The following MSRA variants were observed in gnomAD, a reference collection of about 807,000 sequenced individuals.
The protein encoded by MSRA is mitochondrial peptide methionine sulfoxide reductase.
In MSRA, 54 loss-of-function variants were observed where a neutral mutation model predicts 31.3. The observed-to-expected ratio is 1.73, with a 90% confidence interval of 1.39 to 2.17. The LOEUF is 2.17. Among genes scored for constraint, MSRA ranks in the 30% most tolerant of loss-of-function variants. MSRA has a pLI of 0.00. For missense variants in MSRA, 507 were observed against 300.9 expected, an observed-to-expected ratio of 1.69 and a Z score of -5.07; for synonymous variants, 169 against 116.5, an observed-to-expected ratio of 1.45 and a Z score of -2.90.
intron 3 of MSRA, among the ~76,000 whole-genome samples, chr8:10,285,212 C>T (rs761190407): frequency 5.3e-5 from 8 of 152,150 alleles, no homozygotes; most frequent in East Asian, 1.9e-4. Flanking sequence ...ATTCTGCATC[C>T]GCCTTCTCCG....
chr8:10,401,440 T>G (rs982260011), intron 5 of MSRA, among the ~76,000 whole-genome samples: 2 of 152,122 alleles, frequency 1.3e-5, no homozygotes, highest in Non-Finnish European at 2.9e-5. Context: ...TGTGGAGAAA[T>G]TGGAACCCTT....
chr8:10,335,255 T>TTG (rs1222052506), intron 5 of MSRA, among the ~76,000 whole-genome samples: 6 of 146,742 alleles, frequency 4.1e-5, no homozygotes, highest in South Asian at 2.2e-4. Flanking sequence ...GCTCTGTTTT[T>TTG]TTTTTTTTTT....
At chr8:10,131,885 C>T (rs996824532) in intron 1 of MSRA, among the ~76,000 whole-genome samples, 5 of 152,212 alleles carry the variant, frequency 3.3e-5, no homozygotes, top group Admixed American at 1.3e-4. Flanking sequence ...AATAACATCT[C>T]ATATTTTATT....
intron 1 of MSRA, among the ~76,000 whole-genome samples, chr8:10,186,385 G>A (rs528538946): frequency 6.6e-6 from 1 of 152,166 alleles, no homozygotes; most frequent in African/African-American, 2.4e-5. Context: ...ATGAATGAGT[G>A]TGGCTGTGTT....
intron 1 of MSRA, among the ~76,000 whole-genome samples, chr8:10,060,388 T>C (rs1278062292): frequency 1.3e-5 from 2 of 152,220 alleles, no homozygotes; most frequent in African/African-American, 2.4e-5. Flanking sequence ...TGCTAACTTT[T>C]CTGTGAACAG....
rs529975298 is a variant in MSRA at position 10,133,415 on chromosome 8, C to T, written c.143-74418C>T. On this transcript the variant is annotated intron_variant, in intron 1 of 5. Coordinates refer to ENST00000317173, the MANE Select transcript of MSRA (RefSeq NM_012331.5). ...AGGGCCAGCCACTGCTTGGCTAACG[C>T]CTCAGTGCTTCAGCGACAAGGACCA... Among the ~76,000 whole-genome samples, 33 of 152,264 alleles carry T rather than the reference C, an allele frequency of 2.2e-4. 1 individual carries two copies. Among genetic ancestry groups the T allele is most frequent in the African/African-American group, 7.9e-4 (33 of 41,560 alleles).
chr8:10,186,571 A>G (rs981962754), intron 1 of MSRA, among the ~76,000 whole-genome samples: 6 of 152,192 alleles, frequency 3.9e-5, no homozygotes, highest in African/African-American at 1.4e-4. Context: ...GGTTTTGCCA[A>G]TCCCCTGTTC....
At chr8:10,288,240 C>A (rs1563312885) in intron 3 of MSRA, among the ~76,000 whole-genome samples, 3 of 152,184 alleles carry the variant, frequency 2.0e-5, no homozygotes, top group Non-Finnish European at 4.4e-5. Flanking sequence ...CTCCCCCAGT[C>A]CCCTTCCATT....
At chr8:10,359,485 G>A (rs1804710256) in intron 5 of MSRA, among the ~76,000 whole-genome samples, 1 of 152,098 alleles carries the variant, frequency 6.6e-6, no homozygotes, top group East Asian at 1.9e-4. Context: ...ATATTTTATA[G>A]TTTTTTGGTC....
In MSRA at chr8:10,388,991, C is replaced by T. The variant is rs139020398; in HGVS notation, c.544-39157C>T. ...CTAGGGCACTGGAAGTATGGAGAAT[C>T]GCCTGTTGACATATTTATGCCTAGT... is the stretch of plus-strand genomic sequence containing the variant. On this transcript the variant is annotated intron_variant, in intron 5 of 5. Transcript: ENST00000317173. Among the ~76,000 whole-genome samples the T allele has an allele frequency of 5.0e-3, 754 of 152,212 alleles. 4 individuals carry two copies. Among genetic ancestry groups the T allele is most frequent in the African/African-American group, 0.016 (660 of 41,516 alleles).
At chr8:10,423,152 G>C (rs1808915818) in intron 5 of MSRA, among the ~76,000 whole-genome samples, 1 of 152,174 alleles carries the variant, frequency 6.6e-6, no homozygotes, top group Non-Finnish European at 1.5e-5. Context: ...CGACGGGAGA[G>C]GGGAGAGGCC....
Position 10,206,378 on chromosome 8 carries a change from C to A in MSRA, c.143-1455C>A, listed in dbSNP as rs191605735. 3.7e-3 allele frequency among the ~76,000 whole-genome samples: 568 copies of A among 152,282 alleles called. 2 individuals are homozygous for A. Among genetic ancestry groups the A allele is most frequent in the Non-Finnish European group, 5.8e-3 (392 of 68,024 alleles). On this transcript the variant is annotated intron_variant, in intron 1 of 5. Transcript: ENST00000317173. ...TGAGCCCACCACCTTGCCCTCAGAA[C>A]CCTGGGCTGGGTTCTCCCTTTTCCC...
At chr8:10,250,733 A>C (rs61192744) in intron 3 of MSRA, 21,396 of 478,134 alleles carry the variant, frequency 0.045, 624 homozygotes, top group East Asian at 0.11. Context: ...CAAAACCTAA[A>C]ATATTTACTG....
At chr8:10,372,194 G>A (rs912510546) in intron 5 of MSRA, among the ~76,000 whole-genome samples, 11 of 152,264 alleles carry the variant, frequency 7.2e-5, no homozygotes, top group African/African-American at 9.6e-5. Flanking sequence ...ACTACTCGGG[G>A]CTTTCATGCT....
At chr8:10,309,948 T>C (rs1448533775) in intron 4 of MSRA, among the ~76,000 whole-genome samples, 1 of 152,216 alleles carries the variant, frequency 6.6e-6, no homozygotes, top group Non-Finnish European at 1.5e-5. Flanking sequence ...CCCTGTGCTG[T>C]CTACTGGGAA....
At chr8:10,138,111 T>C (rs538676698) in intron 1 of MSRA, among the ~76,000 whole-genome samples, 1 of 152,202 alleles carries the variant, frequency 6.6e-6, no homozygotes. Context: ...CTGGTCAGAC[T>C]CTTTCTGGAT....
intron 1 of MSRA, among the ~76,000 whole-genome samples, chr8:10,076,431 G>C (rs1448301347): frequency 6.6e-6 from 1 of 152,144 alleles, no homozygotes; most frequent in African/African-American, 2.4e-5. Flanking sequence ...TGGGAGAACT[G>C]GCCTCTGGGT....
intron 5 of MSRA, chr8:10,353,500 T>C (rs1397156328): frequency 2.4e-6 from 1 of 410,610 alleles, no homozygotes; most frequent in East Asian, 7.3e-5. Context: ...CGGAGGCCCG[T>C]GTATCTGTGT....
intron 2 of MSRA, among the ~76,000 whole-genome samples, chr8:10,214,375 C>G (rs184328434): frequency 4.6e-5 from 7 of 152,192 alleles, no homozygotes; most frequent in African/African-American, 1.7e-4. Context: ...TCCTGTCTGA[C>G]ATGAATGGGA....
Sources: gnomAD v4.1 joint callset for allele counts (sites outside exome capture counted in the v4.1 genomes callset) on GRCh38, gnomAD v4.1.1 for gene constraint, MANE v1.5 for transcripts, NCBI Gene and HGNC (gene_info 2026-07-23, HGNC 2026-07-21) for gene names.